CAPN7: variants seen among roughly 807,000 people sequenced by gnomAD.
The protein encoded by CAPN7 is calpain 7, also known as calpain-7.
Under a neutral mutation model 115.2 loss-of-function variants are expected in CAPN7, and 72 were observed. The observed-to-expected ratio is 0.63, with a 90% CI of 0.52 to 0.76. The LOEUF is 0.76. CAPN7 is among the 30% of genes least tolerant of loss of function. The probability of loss-of-function intolerance (pLI) is 0.00; values close to 1 mark genes in which losing one functional copy is unlikely to be tolerated. For missense variants in CAPN7, 905 were observed against 971.5 expected, an observed-to-expected ratio of 0.93 and a Z score of 0.91; for synonymous variants, 344 against 322.3, an observed-to-expected ratio of 1.07 and a Z score of -0.72.
intron 7 of CAPN7, 140 bp from the exon 8 acceptor site, chr3:15,228,834 T>C (rs564931455): frequency 1.6e-5 from 10 of 613,868 alleles, no homozygotes; most frequent in Admixed American, 6.0e-5. Context: ...ACCTTCCACA[T>C]GTACCCCCGA....
chr3:15,210,596 C>CTTTTTTTTTTTTTTTTTTTTTT (rs371169868), intron 1 of CAPN7, among the ~76,000 whole-genome samples: 2 of 104,490 alleles, frequency 1.9e-5, no homozygotes, highest in African/African-American at 1.2e-4. Flanking sequence ...TGCTTCCTTC[C>CTTTTTTTTTTTTTTTTTTTTTT]TTTTTTTTTT....
rs556783756 is a variant in CAPN7 at position 15,208,218 on chromosome 3, T to C, written c.102+1621T>C. ...ATGCGTATGTGTATATGCTTTTTTT[T>C]TTTTTTTACAAACTGGTTTATACTG... On this transcript the variant is annotated intron_variant, in intron 1 of 20. Transcript: ENST00000253693. Among the ~76,000 whole-genome samples the C allele has an allele frequency of 2.6e-5, 4 of 152,220 alleles. No individual in the cohort carries two copies. The East Asian group carries it at 7.7e-4, about 29-fold the overall frequency.
chr3:15,206,625 G>A (rs879834492), intron 1 of CAPN7, 28 bp downstream of exon 1: 1 of 1,506,790 alleles, frequency 6.6e-7, no homozygotes, highest in Non-Finnish European at 9.0e-7. Context: ...GCTTCGGTCG[G>A]AGTTGCTCAG....
chr3:15,228,817 CTA>C (rs1478133662), intron 7 of CAPN7, among the ~76,000 whole-genome samples, 155 bp from the exon 8 acceptor site: 1 of 152,084 alleles, frequency 6.6e-6, no homozygotes, highest in Non-Finnish European at 1.5e-5. Flanking sequence ...ACGAGTTCAC[CTA>C]TGTTACCTTC....
At chr3:15,221,473 A>G (rs864322) in intron 5 of CAPN7, among the ~76,000 whole-genome samples, 3 of 150,718 alleles carry the variant, frequency 2.0e-5, no homozygotes, top group Non-Finnish European at 2.9e-5. Flanking sequence ...GATTACAGGC[A>G]TGAGCCACTG....
At chr3:15,227,109 TAAAAAA>T (rs61571165) in intron 6 of CAPN7, among the ~76,000 whole-genome samples, 4 of 128,270 alleles carry the variant, frequency 3.1e-5, no homozygotes, top group Non-Finnish European at 6.8e-5. Flanking sequence ...CCTCAACTGT[TAAAAAA>T]AAAAAAAAAA....
chr3:15,218,757 T>C (rs1693790322), intron 4 of CAPN7, among the ~76,000 whole-genome samples: 1 of 152,260 alleles, frequency 6.6e-6, no homozygotes, highest in African/African-American at 2.4e-5. Context: ...TTTTTAATTT[T>C]AGTTTAGAAC....
chr3:15,210,545 A>G (rs971237327), intron 1 of CAPN7, among the ~76,000 whole-genome samples: 1 of 148,690 alleles, frequency 6.7e-6, no homozygotes, highest in Admixed American at 6.7e-5. Context: ...TTTAGGCTGA[A>G]TTTTCATTGT....
At chr3:15,234,677 A>C (rs1039905298) in intron 11 of CAPN7, among the ~76,000 whole-genome samples, 15 of 152,200 alleles carry the variant, frequency 9.9e-5, no homozygotes, top group African/African-American at 3.6e-4. Context: ...TTCGGTTGCA[A>C]AACTAGAAAG....
Position 15,216,614 on chromosome 3 carries a change from G to A in CAPN7, c.212-811G>A, listed in dbSNP as rs1575166812. 5.3e-5 allele frequency among the ~76,000 whole-genome samples: 8 copies of A among 152,170 alleles called. 2 individuals are homozygous for A. Among genetic ancestry groups the A allele is most frequent in the Admixed American group, 5.2e-4 (8 of 15,280 alleles). On this transcript the variant is annotated intron_variant, in intron 2 of 20. Transcript: ENST00000253693. ...AAATACATAACATATTCTAGGCTCA[G>A]GGTAAATAGAAAAAGCAGGAACTTT... is the stretch of plus-strand genomic sequence containing the variant.
At position 15,251,333 on chromosome 3, in the gene CAPN7, G is replaced by A. The variant is rs1039445164; in HGVS notation, c.*73G>A. Reference sequence around the variant, plus strand: ...CTTCAAATAAGGACGCAAATCTTCAGGACAGTAAGCAGAACAATCAGAATG... The same window carrying A: ...CTTCAAATAAGGACGCAAATCTTCAAGACAGTAAGCAGAACAATCAGAATG... On this transcript the variant is annotated 3_prime_UTR_variant, in exon 21 of 21. Transcript: ENST00000253693. The A allele has an allele frequency of 1.5e-5, 18 of 1,226,698 alleles. No homozygotes were observed. The Admixed American group carries it at 3.5e-4, about 24-fold the overall frequency. The allele number at this position is 1,226,698 out of a possible 1,614,324, so 76.0% of individuals were successfully genotyped here. A position where few individuals can be genotyped will look rare whatever the true frequency, so the allele number is the denominator to read the frequency against.
At position 15,212,566 on chromosome 3, in the gene CAPN7, G is replaced by C. The variant is rs115015505; in HGVS notation, c.211+354G>C. The stretch of plus-strand genomic sequence containing the variant: ...CTCTTCCTTATAAAATTAAGTGACT[G>C]TTCCTCTTCAGTGTTTACAGACTTC... On this transcript the variant is annotated intron_variant, in intron 2 of 20. Coordinates refer to ENST00000253693, the MANE Select transcript of CAPN7 (RefSeq NM_014296.3). 2.2e-3 allele frequency among the ~76,000 whole-genome samples: 338 copies of C among 152,264 alleles called. 3 individuals carry two copies. The highest frequency in any genetic ancestry group is 7.6e-3 in the African/African-American group (316 of 41,552).
intron 2 of CAPN7, among the ~76,000 whole-genome samples, chr3:15,213,584 A>G (rs1342354558): frequency 6.6e-6 from 1 of 152,204 alleles, no homozygotes; most frequent in Non-Finnish European, 1.5e-5. Flanking sequence ...TCTTTTCCAT[A>G]TGTACACACA....
At chr3:15,231,686 C>T (rs1485775498) in intron 9 of CAPN7, among the ~76,000 whole-genome samples, 3 of 151,992 alleles carry the variant, frequency 2.0e-5, no homozygotes, top group Admixed American at 6.6e-5. Context: ...CCCACCACCA[C>T]GCCCGGCTAA....
At chr3:15,240,702 A>AAATGT in intron 13 of CAPN7, 52 bp from the exon 14 acceptor site, 2 of 1,558,552 alleles carry the variant, frequency 1.3e-6, no homozygotes, top group Non-Finnish European at 1.8e-6. Flanking sequence ...TAACTGACTT[A>AAATGT]AATCATTTAG....
rs762514950 is a variant in CAPN7, at chr3:15,217,571, T to C, written c.358T>C (p.Cys120Arg). ...IELYTEAVDL[C>R]LKTSYETADK... Reference sequence around the variant, plus strand: ...ATTGTACACAGAAGCTGTGGATCTCTGTCTGAAAACAGTGTGTATAGCTAC... The same window carrying C: ...ATTGTACACAGAAGCTGTGGATCTCCGTCTGAAAACAGTGTGTATAGCTAC... Residue 120 changes from cysteine (C) to arginine (R), a missense_variant, in exon 3 of 21, where the codon TGT becomes CGT. Physicochemically the swap from Cys to Arg is radical, Grantham distance 180. This residue lies in a region of CAPN7 where 271 missense variants were observed against 239.6 expected (regional missense o/e 1.13). Coordinates refer to ENST00000253693, the MANE Select transcript of CAPN7 (RefSeq NM_014296.3). 5 of 1,612,198 alleles carry C rather than the reference T, an allele frequency of 3.1e-6. No homozygotes were observed. Among genetic ancestry groups the C allele is most frequent in the South Asian group, 1.1e-5 (1 of 90,728 alleles).
chr3:15,231,196 C>T (rs1397860210), intron 9 of CAPN7, among the ~76,000 whole-genome samples: 3 of 152,162 alleles, frequency 2.0e-5, no homozygotes, highest in African/African-American at 7.2e-5. Context: ...TTCAGTAATA[C>T]TCAAATTTTA....
chr3:15,241,672 G>A, intron 15 of CAPN7, 84 bp downstream of exon 15: 2 of 1,175,268 alleles, frequency 1.7e-6, no homozygotes, highest in South Asian at 1.8e-5. Flanking sequence ...GTAAACACCA[G>A]CCTGTTTAAT....
intron 16 of CAPN7, among the ~76,000 whole-genome samples, chr3:15,243,283 T>G (rs768201120): frequency 6.6e-6 from 1 of 152,176 alleles, no homozygotes; most frequent in Non-Finnish European, 1.5e-5. Flanking sequence ...TCAGATCACA[T>G]GAGGTTCTGT....
Sources: gnomAD v4.1 joint callset for allele counts (sites outside exome capture counted in the v4.1 genomes callset) on GRCh38, gnomAD v4.1.1 for gene constraint, gnomAD v4.1.1 regional missense constraint, MANE v1.5 for transcripts, NCBI Gene and HGNC (gene_info 2026-07-23, HGNC 2026-07-21) for gene names.